The following HERC1 variants were observed in gnomAD, a reference collection of about 807,000 sequenced individuals.
The protein encoded by HERC1 is HECT and RLD domain containing E3 ubiquitin protein ligase family member 1, also known as probable E3 ubiquitin-protein ligase HERC1.
Under a neutral mutation model 554.3 loss-of-function variants are expected in HERC1, and 160 were observed. The observed-to-expected ratio is 0.29, with a 90% confidence interval of 0.25 to 0.33. HERC1 has a LOEUF of 0.33. Among genes scored for constraint, HERC1 ranks in the 10% least tolerant of loss-of-function variants. The pLI, the probability that HERC1 is intolerant of heterozygous loss-of-function variation, is 1.00. For synonymous variants in HERC1, 2,175 were observed against 2,131.7 expected, an observed-to-expected ratio of 1.02 and a Z score of -0.56; for missense variants, 4,919 against 5,918.5, an observed-to-expected ratio of 0.83 and a Z score of 5.54.
At chr15:63,672,423 T>A in intron 39 of HERC1, 73 bp downstream of exon 39, 1 of 1,050,622 alleles carries the variant, frequency 9.5e-7, no homozygotes, top group Non-Finnish European at 1.4e-6. Context: ...GGGCATACTA[T>A]TCATATGAGG....
chr15:63,679,745 T>C (rs1242443254), intron 36 of HERC1, among the ~76,000 whole-genome samples: 1 of 152,244 alleles, frequency 6.6e-6, no homozygotes, highest in Non-Finnish European at 1.5e-5. Flanking sequence ...GCTGATAGCA[T>C]CTTATTACAT....
chr15:63,675,092 C>G lies in HERC1; in HGVS notation c.7096G>C (p.Asp2366His). Residue 2366 changes from aspartate (D) to histidine (H), a missense_variant, in exon 38 of 78, where the codon GAT becomes CAT. By Grantham distance (81) the Asp-to-His change is moderately conservative. This residue lies in a region of HERC1 where 1,963 missense variants were observed against 2,228.6 expected (regional missense o/e 0.88). Transcript: ENST00000443617. Reference protein sequence around the residue: ...ISFPTFWSPSDTPLYNLEPCE... With the variant: ...ISFPTFWSPSHTPLYNLEPCE... ...GGTTCCAGATTATACAATGGAGTAT[C>G]ACTAGGCGACCAAAAAGTTGGGAAG... 1 of 1,589,486 alleles carries G rather than the reference C, an allele frequency of 6.3e-7. No individual in the cohort carries two copies. Among genetic ancestry groups the G allele is most frequent in the East Asian group, 2.3e-5 (1 of 44,438 alleles).
At chr15:63,817,706 C>G (rs1417886042) in intron 1 of HERC1, among the ~76,000 whole-genome samples, 1 of 152,104 alleles carries the variant, frequency 6.6e-6, no homozygotes, top group Non-Finnish European at 1.5e-5. Flanking sequence ...CACAGCGAGA[C>G]TCTGTCTCAA....
chr15:63,711,368 A>G (rs941283819), intron 24 of HERC1, among the ~76,000 whole-genome samples: 5 of 152,148 alleles, frequency 3.3e-5, no homozygotes, highest in Admixed American at 2.0e-4. Context: ...AGTCAGATTG[A>G]TCAGATTTAA....
chr15:63,678,116 T>C lies in HERC1; in HGVS notation c.6799A>G (p.Asn2267Asp), dbSNP rs368093789. The C allele has an allele frequency of 1.1e-4, 177 of 1,613,874 alleles. No individual in the cohort carries two copies. Among genetic ancestry groups the C allele is most frequent in the Non-Finnish European group, 1.4e-4 (165 of 1,179,904 alleles). The change falls in exon 37 of 78, where the codon AAT becomes GAT. Residue 2267 changes from asparagine to aspartate, a missense_variant. Asn to Asp is a conservative substitution (Grantham distance 23, BLOSUM62 1). Coordinates refer to ENST00000443617, the MANE Select transcript of HERC1 (RefSeq NM_003922.4). ...KSRSVQSREE[N>D]EMREEKESKE... is the part of the protein sequence containing the mutation. ...CTCTCCTTCTCCTCTCTCATTTCAT[T>C]TTCCTCTCGGCTCTGAACCGAGCGG...
In HERC1 at chr15:63,775,953, G is replaced by C. The variant is rs1313104241; in HGVS notation, c.-26-304C>G. On this transcript the variant is annotated intron_variant, in intron 1 of 77. Coordinates refer to ENST00000443617, the MANE Select transcript of HERC1 (RefSeq NM_003922.4). The surrounding 1 kb of genome is among the most constrained non-coding windows in gnomAD (Gnocchi z 4.0). ...CTTGGGAGGCTGAGGCAGGAGAATC[G>C]CTTGAACCTGGGAGGCGGAGGTTGC... is the stretch of plus-strand genomic sequence containing the variant. Among the ~76,000 whole-genome samples, 4 of 151,030 alleles carry C rather than the reference G, an allele frequency of 2.6e-5. No homozygotes were observed. The highest frequency in any genetic ancestry group is 7.3e-5 in the African/African-American group (3 of 41,028).
At chr15:63,811,098 T>TTTTTC (rs1302456443) in intron 1 of HERC1, among the ~76,000 whole-genome samples, 1 of 152,222 alleles carries the variant, frequency 6.6e-6, no homozygotes, top group African/African-American at 2.4e-5. Flanking sequence ...TGAATGTGAT[T>TTTTTC]GGATCCTGGA....
At chr15:63,673,462 T>C (rs2071036873) in intron 38 of HERC1, among the ~76,000 whole-genome samples, 1 of 152,176 alleles carries the variant, frequency 6.6e-6, no homozygotes, top group Non-Finnish European at 1.5e-5. Context: ...GGAAGAACAA[T>C]ATAAACTCCA....
Position 63,823,381 on chromosome 15 carries a change from T to A in HERC1, c.-27+10446A>T, listed in dbSNP as rs531525128. 9.2e-5 allele frequency among the ~76,000 whole-genome samples: 14 copies of A among 152,348 alleles called. No homozygotes were observed. The East Asian group carries it at 1.7e-3, about 19-fold the overall frequency. On this transcript the variant is annotated intron_variant, in intron 1 of 77. Transcript: ENST00000443617. Reference sequence around the variant, plus strand: ...ACAGATGTAGAAGATTTTGTTTATTTCATCCTCACATCAGCCCTATGACGT... The same window carrying A: ...ACAGATGTAGAAGATTTTGTTTATTACATCCTCACATCAGCCCTATGACGT...
chr15:63,710,711 C>T (rs987640581), intron 24 of HERC1, among the ~76,000 whole-genome samples: 8 of 152,260 alleles, frequency 5.3e-5, no homozygotes, highest in Non-Finnish European at 7.4e-5. Flanking sequence ...GGGTGGTCAG[C>T]ACAGGCTTCA....
At chr15:63,818,168 T>C (rs2077560803) in intron 1 of HERC1, among the ~76,000 whole-genome samples, 1 of 152,148 alleles carries the variant, frequency 6.6e-6, no homozygotes, top group Non-Finnish European at 1.5e-5. Flanking sequence ...GTATTATTTA[T>C]TTTTAAATTT....
chr15:63,778,481 A>G (rs2076178679), intron 1 of HERC1, among the ~76,000 whole-genome samples: 1 of 152,208 alleles, frequency 6.6e-6, no homozygotes, highest in African/African-American at 2.4e-5. Context: ...ACGCAGAGGA[A>G]AGAAAAAGCA....
rs1226992886 is a variant in HERC1 at position 63,758,296 on chromosome 15, A to G, written c.1100T>C (p.Ile367Thr). 1.2e-6 allele frequency: 2 copies of G among 1,613,666 alleles called. No individual in the cohort carries two copies. Among genetic ancestry groups the G allele is most frequent in the Admixed American group, 3.3e-5 (2 of 60,016 alleles). Residue 367 changes from isoleucine to threonine, a missense_variant, in exon 4 of 78, where the codon ATT becomes ACT. Ile to Thr is a moderately conservative substitution (Grantham distance 89). This residue lies in a region of HERC1 where 744 missense variants were observed against 1,090.0 expected (regional missense o/e 0.68). Coordinates refer to ENST00000443617, the MANE Select transcript of HERC1 (RefSeq NM_003922.4). The surrounding 1 kb of genome is among the most constrained non-coding windows in gnomAD (Gnocchi z 4.0). ...ATAAACCTCACAGGTTTCGGAGACA[A>G]TGGGAGCATCACCAGTCTGAATGCT... ...PDSIQTGDAPIVSETCEVYVW... is the reference protein window; with the variant it reads ...PDSIQTGDAPTVSETCEVYVW...
At chr15:63,811,514 T>C (rs976549357) in intron 1 of HERC1, among the ~76,000 whole-genome samples, 3 of 151,938 alleles carry the variant, frequency 2.0e-5, no homozygotes, top group African/African-American at 7.3e-5. Context: ...CCCGGTAACA[T>C]AAAAGATGAA....
intron 12 of HERC1, among the ~76,000 whole-genome samples, chr15:63,744,164 G>GTGTGTCTCTCTCTCTCTCTCTC: frequency 1.9e-4 from 9 of 46,306 alleles, no homozygotes; most frequent in Non-Finnish European, 3.2e-4. Flanking sequence ...GTGTGTGTGT[G>GTGTGTCTCTCTCTCTCTCTCTC]TCTCTCTCTC....
At chr15:63,617,209 G>A (rs568908354) in intron 74 of HERC1, among the ~76,000 whole-genome samples, 3 of 152,072 alleles carry the variant, frequency 2.0e-5, no homozygotes, top group Non-Finnish European at 4.4e-5. Context: ...CCCTTCCTGT[G>A]TCCATGTGTT....
chr15:63,750,898 C>A (rs1222728883), intron 8 of HERC1, among the ~76,000 whole-genome samples: 1 of 152,174 alleles, frequency 6.6e-6, no homozygotes, highest in Admixed American at 6.5e-5. Flanking sequence ...GTTTGTGCCA[C>A]TGTACTCCAG....
chr15:63,652,171 T>G (rs2069726090), intron 52 of HERC1, among the ~76,000 whole-genome samples: 1 of 152,246 alleles, frequency 6.6e-6, no homozygotes, highest in South Asian at 2.1e-4. Context: ...TTTACATAGT[T>G]GAACATTTAT....
chr15:63,764,194 A>G lies in HERC1; in HGVS notation c.931-3T>C, dbSNP rs757587440. ...TGACTCCGATCAGCAGATGAACCCT[A>G]TAATTAAAACATTGCGGGACACAGC... is the stretch of plus-strand genomic sequence containing the variant. On this transcript the variant is annotated splice_polypyrimidine_tract_variant and splice_region_variant and intron_variant, in intron 2 of 77. Coordinates refer to ENST00000443617, the MANE Select transcript of HERC1 (RefSeq NM_003922.4). 1 of 1,598,842 alleles carries G rather than the reference A, an allele frequency of 6.3e-7. No homozygotes were observed. The highest frequency in any genetic ancestry group is 1.1e-5 in the South Asian group (1 of 89,316).
Sources: gnomAD v4.1 joint callset for allele counts (sites outside exome capture counted in the v4.1 genomes callset) on GRCh38, gnomAD v4.1.1 for gene constraint, gnomAD v4.1.1 regional missense constraint, Gnocchi (gnomAD v3.1) non-coding constraint, MANE v1.5 for transcripts, NCBI Gene and HGNC (gene_info 2026-07-23, HGNC 2026-07-21) for gene names.